Variants in DLGAP2 observed in about 807,000 individuals in gnomAD.
DLGAP2 encodes the protein DLG associated protein 2.
Under a neutral mutation model 100.3 loss-of-function variants are expected in DLGAP2, and 26 were observed. The observed-to-expected ratio is 0.26, with a 90% CI of 0.19 to 0.36. The LOEUF (loss-of-function observed/expected upper bound fraction) is 0.36, where lower values mean the gene tolerates loss of function less well. Ranked by LOEUF, DLGAP2 falls within the 10% of genes least tolerant of loss-of-function variation. The pLI, the probability that DLGAP2 is intolerant of heterozygous loss-of-function variation, is 1.00. For synonymous variants in DLGAP2, 886 were observed against 630.1 expected, an observed-to-expected ratio of 1.41 and a Z score of -6.08; for missense variants, 1,858 against 1,453.2, an observed-to-expected ratio of 1.28 and a Z score of -4.53.
intron 1 of DLGAP2, 71 bp downstream of exon 1, chr8:737,896 G>A: frequency 5.4e-6 from 2 of 368,040 alleles, no homozygotes. Context: ...GGAGGGCGCG[G>A]TGTGTCGGAC....
At chr8:980,792 C>T (rs117743841) in intron 2 of DLGAP2, among the ~76,000 whole-genome samples, 8 of 152,010 alleles carry the variant, frequency 5.3e-5, no homozygotes, top group East Asian at 1.9e-4. Flanking sequence ...GGCAGCTGAG[C>T]GTTTGGATGA....
chr8:1,267,371 G>C (rs1799476982), intron 3 of DLGAP2, among the ~76,000 whole-genome samples: 1 of 151,240 alleles, frequency 6.6e-6, no homozygotes, highest in East Asian at 1.9e-4. Flanking sequence ...CTTGAGACCA[G>C]TCTGACCAAC....
At chr8:1,268,134 GA>G (rs528553893) in intron 3 of DLGAP2, among the ~76,000 whole-genome samples, 180 of 152,238 alleles carry the variant, frequency 1.2e-3, no homozygotes, top group African/African-American at 4.3e-3. Flanking sequence ...TTCTTTTTAA[GA>G]AATAATATCC....
At chr8:1,275,738 T>G (rs1422966416) in intron 3 of DLGAP2, among the ~76,000 whole-genome samples, 1 of 133,610 alleles carries the variant, frequency 7.5e-6, no homozygotes, top group East Asian at 2.0e-4. Context: ...AAAATATATG[T>G]AATATATATA....
chr8:1,246,061 G>A (rs1040488569), intron 2 of DLGAP2, among the ~76,000 whole-genome samples: 4 of 152,160 alleles, frequency 2.6e-5, no homozygotes, highest in African/African-American at 9.7e-5. Context: ...TACTATCAGT[G>A]TCTATATTTT....
intron 3 of DLGAP2, among the ~76,000 whole-genome samples, chr8:1,313,440 C>A (rs528044194): frequency 6.6e-6 from 1 of 152,286 alleles, no homozygotes; most frequent in South Asian, 2.1e-4. Flanking sequence ...TATGCTCTCA[C>A]CTATAATCTC....
intron 2 of DLGAP2, among the ~76,000 whole-genome samples, chr8:975,915 A>G (rs2134491): frequency 0.067 from 9,036 of 133,926 alleles, 648 homozygotes; most frequent in Admixed American, 0.24. Flanking sequence ...AAATAAACCT[A>G]TTTCACAGAT....
chr8:1,650,109 C>T (rs1585032407), intron 8 of DLGAP2, among the ~76,000 whole-genome samples: 1 of 152,134 alleles, frequency 6.6e-6, no homozygotes, highest in Admixed American at 6.5e-5. Context: ...GTAATAAAAA[C>T]GAGTATTTCT....
intron 3 of DLGAP2, among the ~76,000 whole-genome samples, chr8:1,389,952 G>C (rs1796310719): frequency 6.6e-6 from 1 of 152,092 alleles, no homozygotes; most frequent in African/African-American, 2.4e-5. Context: ...GGCACAGACA[G>C]CTCTCCCTCA....
intron 6 of DLGAP2, among the ~76,000 whole-genome samples, chr8:1,595,540 G>T (rs950559155): frequency 1.3e-5 from 2 of 150,984 alleles, no homozygotes; most frequent in East Asian, 1.9e-4. Flanking sequence ...GGTGGCGGGC[G>T]CCTGTAGTCC....
intron 3 of DLGAP2, among the ~76,000 whole-genome samples, chr8:1,275,562 A>T (rs1434988798): frequency 6.6e-6 from 1 of 151,196 alleles, no homozygotes; most frequent in Non-Finnish European, 1.5e-5. Context: ...ATTTCTTTTC[A>T]TTCCCAGATC....
At chr8:1,204,561 T>C (rs1047495658) in intron 2 of DLGAP2, among the ~76,000 whole-genome samples, 1 of 133,404 alleles carries the variant, frequency 7.5e-6, no homozygotes, top group Admixed American at 7.4e-5. Context: ...TGTATATGTC[T>C]ATATACACCT....
At chr8:1,699,619 A>T (rs1282878710) in intron 14 of DLGAP2, among the ~76,000 whole-genome samples, 1 of 152,144 alleles carries the variant, frequency 6.6e-6, no homozygotes, top group Admixed American at 6.5e-5. Flanking sequence ...GTCTCAAAAA[A>T]AAAAAGAAAG....
chr8:1,689,690 GC>G (rs1799207027), intron 12 of DLGAP2, among the ~76,000 whole-genome samples: 1 of 152,028 alleles, frequency 6.6e-6, no homozygotes, highest in African/African-American at 2.4e-5. Flanking sequence ...CGCAGATGAC[GC>G]CCCGTGAGCC....
chr8:1,267,952 A>T (rs1284771008), intron 3 of DLGAP2, among the ~76,000 whole-genome samples: 1 of 152,200 alleles, frequency 6.6e-6, no homozygotes, highest in African/African-American at 2.4e-5. Flanking sequence ...TTCTTATTAC[A>T]ATATAAGTGC....
chr8:1,224,237 T>C (rs978875640), intron 2 of DLGAP2, among the ~76,000 whole-genome samples: 1 of 152,174 alleles, frequency 6.6e-6, no homozygotes, highest in Non-Finnish European at 1.5e-5. Flanking sequence ...GCACATTTAA[T>C]GTGGGTCAGG....
rs189895971 is a variant in DLGAP2, at chr8:1,266,971, A to G, written c.106+8088A>G. Among the ~76,000 whole-genome samples, 218 of 151,926 alleles carry G rather than the reference A, an allele frequency of 1.4e-3. 1 individual carries two copies. The highest frequency in any genetic ancestry group is 5.0e-3 in the African/African-American group (209 of 41,472). On this transcript the variant is annotated intron_variant, in intron 3 of 14. Coordinates refer to ENST00000637795, the MANE Select transcript of DLGAP2 (RefSeq NM_001346810.2). ...AAAAAGGGCGCGGTGGCTCACGCCTATAATCCCAGCACATTGGGAGGTCTA... is the reference window on the plus strand; with the variant it reads ...AAAAAGGGCGCGGTGGCTCACGCCTGTAATCCCAGCACATTGGGAGGTCTA...
intron 5 of DLGAP2, among the ~76,000 whole-genome samples, chr8:1,553,710 C>T (rs1563217792): frequency 6.6e-6 from 1 of 152,104 alleles, no homozygotes; most frequent in Admixed American, 6.5e-5. Flanking sequence ...TTCCTTGCAG[C>T]CATTCGCTGA....
chr8:1,316,238 C>T (rs1486453077), intron 3 of DLGAP2, among the ~76,000 whole-genome samples: 6 of 129,368 alleles, frequency 4.6e-5, no homozygotes, highest in Middle Eastern at 4.5e-3. Context: ...GGTCTACACT[C>T]GAGAAACTCG....
Sources: gnomAD v4.1 joint callset for allele counts (sites outside exome capture counted in the v4.1 genomes callset) on GRCh38, gnomAD v4.1.1 for gene constraint, MANE v1.5 for transcripts, NCBI Gene and HGNC (gene_info 2026-07-23, HGNC 2026-07-21) for gene names.